ZBED6: variants seen among roughly 807,000 people sequenced by gnomAD.
ZBED6 encodes zinc finger BED-type containing 6, also known as zinc finger BED domain-containing protein 6.
A neutral mutation model predicts 58.4 loss-of-function variants in ZBED6; 40 were observed. The ratio of observed to expected loss-of-function variants is 0.68; its 90% CI spans 0.53 to 0.89. The LOEUF (loss-of-function observed/expected upper bound fraction) is 0.89, where lower values mean the gene tolerates loss of function less well. ZBED6 is among the 40% of genes least tolerant of loss of function. The pLI is 0.00. For synonymous variants in ZBED6, 439 were observed against 350.6 expected (o/e 1.25, Z -2.82); for missense variants, 1,057 against 1,003.9 (o/e 1.05, Z -0.71).
chr1:203,831,627 A>T, intron 7 of ZBED6, 34 bp from the exon 8 acceptor site: 1 of 1,574,030 alleles, frequency 6.4e-7, no homozygotes, highest in Non-Finnish European at 8.7e-7. Flanking sequence ...ATTTTCCATA[A>T]ATTATTTGCT....
chr1:203,797,636 T>C (rs1224504570), exon 1 of ZBED6: 1 of 1,535,804 alleles, frequency 6.5e-7, no homozygotes, highest in Non-Finnish European at 8.7e-7. Context: ...CTAATACAGA[T>C]GAAGAAGATG....
At chr1:203,797,331 C>T (rs961873963) in exon 1 of ZBED6, 39 of 505,392 alleles carry the variant, frequency 7.7e-5, no homozygotes, top group Admixed American at 1.6e-4. Flanking sequence ...AGAAAGAGTT[C>T]GGGAATGTTC....
intron 11 of ZBED6, among the ~76,000 whole-genome samples, chr1:203,846,084 C>G (rs1687808672): frequency 7.1e-6 from 1 of 140,912 alleles, no homozygotes; most frequent in Non-Finnish European, 1.5e-5. Flanking sequence ...TGGAGACCAG[C>G]CTGGGCCACA....
chr1:203,830,293 A>G (rs1415555798), intron 7 of ZBED6, 90 bp downstream of exon 7: 16 of 973,220 alleles, frequency 1.6e-5, no homozygotes, highest in Non-Finnish European at 1.9e-5. Flanking sequence ...AAATGAGCAA[A>G]TAGATTTTCA....
intron 10 of ZBED6, among the ~76,000 whole-genome samples, chr1:203,839,056 C>G (rs1291276004): frequency 6.6e-6 from 1 of 151,598 alleles, no homozygotes; most frequent in Non-Finnish European, 1.5e-5. Context: ...AATATGGAGA[C>G]AGATTAGAAG....
chr1:203,829,693 A>G, intron 5 of ZBED6, 39 bp downstream of exon 5: 1 of 1,613,032 alleles, frequency 6.2e-7, no homozygotes, highest in Non-Finnish European at 8.5e-7. Context: ...GCAAATAAAT[A>G]GGGTCTCATA....
chr1:203,816,965 T>C (rs1676587184), exon 2 of ZBED6: 3 of 643,570 alleles, frequency 4.7e-6, no homozygotes, highest in Non-Finnish European at 7.8e-6. Flanking sequence ...CAAGTTGTCA[T>C]TTGGAAGATT....
intron 1 of ZBED6, among the ~76,000 whole-genome samples, chr1:203,806,826 G>A (rs1296421873): frequency 1.3e-4 from 8 of 61,404 alleles, no homozygotes; most frequent in East Asian, 1.1e-3. Context: ...TGCACCTCAG[G>A]TTCCTTTTTT....
intron 9 of ZBED6, 37 bp from the exon 10 acceptor site, chr1:203,837,929 G>C (rs1353174185): frequency 6.3e-7 from 1 of 1,581,264 alleles, no homozygotes; most frequent in East Asian, 2.2e-5. Context: ...GCTGAAGATT[G>C]ACTTGAAATC....
chr1:203,849,085 A>G (rs1688661690), intron 13 of ZBED6, among the ~76,000 whole-genome samples: 3 of 152,152 alleles, frequency 2.0e-5, no homozygotes, highest in Non-Finnish European at 4.4e-5. Flanking sequence ...GAGTTTCTCC[A>G]TGTTGTCCAG....
intron 1 of ZBED6, among the ~76,000 whole-genome samples, chr1:203,813,661 A>G (rs1436556663): frequency 6.6e-6 from 1 of 152,102 alleles, no homozygotes; most frequent in African/African-American, 2.4e-5. Flanking sequence ...TGAAGGTGAG[A>G]TGTCTAAAAT....
intron 13 of ZBED6, among the ~76,000 whole-genome samples, chr1:203,849,086 T>C (rs1688662378): frequency 1.3e-5 from 2 of 152,228 alleles, no homozygotes; most frequent in African/African-American, 4.8e-5. Context: ...AGTTTCTCCA[T>C]GTTGTCCAGA....
chr1:203,808,300 G>T (rs1221079794), intron 1 of ZBED6, among the ~76,000 whole-genome samples: 1 of 152,142 alleles, frequency 6.6e-6, no homozygotes, highest in Admixed American at 6.5e-5. Context: ...CAGATGAGAA[G>T]TCTAATAATG....
intron 2 of ZBED6, 65 bp from the exon 3 acceptor site, chr1:203,818,505 T>C: frequency 6.2e-7 from 1 of 1,604,422 alleles, no homozygotes; most frequent in Non-Finnish European, 8.5e-7. Flanking sequence ...GGAGCTCTTG[T>C]TATGGATATT....
intron 4 of ZBED6, 54 bp downstream of exon 4, chr1:203,828,476 A>G: frequency 6.4e-7 from 1 of 1,551,534 alleles, no homozygotes; most frequent in Non-Finnish European, 8.7e-7. Flanking sequence ...TATTATGCAC[A>G]CTGTACAACA....
At chr1:203,804,358 TAGAC>T (rs1358442703) in intron 1 of ZBED6, among the ~76,000 whole-genome samples, 2 of 152,060 alleles carry the variant, frequency 1.3e-5, no homozygotes, top group African/African-American at 4.8e-5. Context: ...TTCACCGTGT[TAGAC>T]AGGATGGTCT....
chr1:203,852,333 T>G, exon 17 of ZBED6: 1 of 1,613,814 alleles, frequency 6.2e-7, no homozygotes, highest in Non-Finnish European at 8.5e-7. Flanking sequence ...AAGCTGAGAT[T>G]GACCTGGATC....
At chr1:203,842,976 A>G (rs1477775492) in intron 11 of ZBED6, among the ~76,000 whole-genome samples, 5 of 149,380 alleles carry the variant, frequency 3.3e-5, no homozygotes, top group African/African-American at 9.9e-5. Flanking sequence ...TAAAAATTTT[A>G]TATTTTTACA....
intron 3 of ZBED6, among the ~76,000 whole-genome samples, chr1:203,827,055 G>A (rs1001721171): frequency 6.6e-6 from 1 of 152,066 alleles, no homozygotes; most frequent in Non-Finnish European, 1.5e-5. Context: ...AAATGGAATG[G>A]TATAGTATGC....
Sources: gnomAD v4.1 joint callset for allele counts (sites outside exome capture counted in the v4.1 genomes callset) on GRCh38, gnomAD v4.1.1 for gene constraint, MANE v1.5 for transcripts, NCBI Gene and HGNC (gene_info 2026-07-23, HGNC 2026-07-21) for gene names.